The following FANCM variants were observed in gnomAD, a reference collection of about 807,000 sequenced individuals.
FANCM encodes the protein FA complementation group M.
FANCM carries 140 observed loss-of-function variants against 199.5 expected under a neutral mutation model. That is an observed-to-expected ratio of 0.70 (90% CI 0.61 to 0.81). The LOEUF (loss-of-function observed/expected upper bound fraction) is 0.81, where lower values mean the gene tolerates loss of function less well. FANCM is among the 30% of genes least tolerant of loss of function. The pLI is 0.00. For missense variants in FANCM, 2,410 were observed against 2,421.4 expected, an observed-to-expected ratio of 1.00 and a Z score of 0.10; for synonymous variants, 840 against 836.8, an observed-to-expected ratio of 1.00 and a Z score of -0.07.
At chr14:45,174,694 G>A (rs994900569) in intron 13 of FANCM, among the ~76,000 whole-genome samples, 1 of 151,986 alleles carries the variant, frequency 6.6e-6, no homozygotes, top group Non-Finnish European at 1.5e-5. Flanking sequence ...AATGTATATG[G>A]TTTTTATTAA....
chr14:45,193,769 T>C (rs1889905848), intron 20 of FANCM, among the ~76,000 whole-genome samples: 1 of 152,144 alleles, frequency 6.6e-6, no homozygotes, highest in Non-Finnish European at 1.5e-5. Flanking sequence ...TTTGTTTTTT[T>C]TTTTAACATT....
chr14:45,136,809 C>T (rs372373350), intron 1 of FANCM, among the ~76,000 whole-genome samples: 2 of 152,196 alleles, frequency 1.3e-5, no homozygotes, highest in South Asian at 2.1e-4. Flanking sequence ...AAAGATTTCT[C>T]AGTTGAAGAA....
rs997465669 is a variant in FANCM, at chr14:45,140,795, C to G, written c.759+86C>G. ...GTGAGTCATACCTGTAATCCTAGTG[C>G]TTTGGGAGGTGGAGATGGGAGGATC... On this transcript the variant is annotated intron_variant, in intron 3 of 22. Coordinates refer to ENST00000267430, the MANE Select transcript of FANCM (RefSeq NM_020937.4). 3 of 861,434 alleles carry G rather than the reference C, an allele frequency of 3.5e-6. No homozygotes were observed. The African/African-American group carries it at 5.0e-5, about 14-fold the overall frequency. 53.4% of individuals were successfully genotyped at this position (861,434 alleles called of 1,614,324 possible).
chr14:45,198,566 T>TCGCCG, intron 21 of FANCM, 78 bp from the exon 22 acceptor site: 3 of 920,758 alleles, frequency 3.3e-6, no homozygotes, highest in South Asian at 2.2e-5. Flanking sequence ...CTTGGGATTT[T>TCGCCG]AATAAAATAA....
At chr14:45,191,893 T>C (rs1889789877) in intron 20 of FANCM, among the ~76,000 whole-genome samples, 1 of 152,192 alleles carries the variant, frequency 6.6e-6, no homozygotes, top group Non-Finnish European at 1.5e-5. Flanking sequence ...AAATATAACT[T>C]CTTTATGCAG....
In FANCM at chr14:45,137,226, C is replaced by T. The variant is rs2139107219; in HGVS notation, c.666C>T (p.Asn222=). The change falls in exon 2 of 23, where the codon AAC becomes AAT. Residue 222 remains asparagine (N), a synonymous_variant. Coordinates refer to ENST00000267430, the MANE Select transcript of FANCM (RefSeq NM_020937.4). ...VIDEAHKALG[N]YAYCQVVREL... is the part of the protein sequence containing the mutation. ...ATGAAGCTCATAAAGCTCTCGGAAA[C>T]TATGCTTATTGCCAGGTAATAATTT... 6.2e-7 allele frequency: 1 copy of T among 1,612,510 alleles called. No homozygotes were observed. Among genetic ancestry groups the T allele is most frequent in the Non-Finnish European group, 8.5e-7 (1 of 1,179,842 alleles).
Position 45,196,411 on chromosome 14 carries a change from C to T in FANCM, c.5580C>T (p.Arg1860=). 1 of 1,614,036 alleles carries T rather than the reference C, an allele frequency of 6.2e-7. No individual in the cohort carries two copies. Among genetic ancestry groups the T allele is most frequent in the Non-Finnish European group, 8.5e-7 (1 of 1,180,014 alleles). Residue 1860 remains arginine (R), a synonymous_variant, in exon 21 of 23, where the codon CGC becomes CGT. Transcript: ENST00000267430. ...GCTGTGATTACATCGTGAGTAATCGCATGGTGGTGGAAAGGAGGTCTCAAT... is the reference window on the plus strand; with the variant it reads ...GCTGTGATTACATCGTGAGTAATCGTATGGTGGTGGAAAGGAGGTCTCAAT... The part of the protein sequence containing the change: ...LNGCDYIVSN[R]MVVERRSQSE...
intron 10 of FANCM, 55 bp downstream of exon 10, chr14:45,164,620 C>G: frequency 2.3e-6 from 3 of 1,320,046 alleles, no homozygotes; most frequent in Non-Finnish European, 3.2e-6. Context: ...AAATACAGCC[C>G]AAAGGTGAAT....
chr14:45,182,608 G>A (rs976581772), intron 16 of FANCM, among the ~76,000 whole-genome samples: 4 of 152,134 alleles, frequency 2.6e-5, no homozygotes, highest in Admixed American at 2.6e-4. Flanking sequence ...TAGATGGACA[G>A]GTCTTAAGGT....
chr14:45,186,360 CAG>C (rs1180980947), intron 18 of FANCM, among the ~76,000 whole-genome samples: 2 of 152,288 alleles, frequency 1.3e-5, no homozygotes, highest in African/African-American at 4.8e-5. Flanking sequence ...TTTCAGAAAA[CAG>C]TGTGTTCATC....
Position 45,177,077 on chromosome 14 carries a change from A to G in FANCM, c.4222+101A>G, listed in dbSNP as rs1039430037. 3 of 709,288 alleles carry G rather than the reference A, an allele frequency of 4.2e-6. No individual in the cohort carries two copies. In the East Asian group the frequency reaches 8.2e-5, roughly 19 times the overall value. The allele number at this position is 709,288 out of a possible 1,614,324, so 43.9% of individuals were successfully genotyped here. A position where few individuals can be genotyped will look rare whatever the true frequency, so the allele number is the denominator to read the frequency against. ...AATGTAATTTTTTAGTACATGGTACAATATAAATATTGAATTAGATAATTG... is the reference window on the plus strand; with the variant it reads ...AATGTAATTTTTTAGTACATGGTACGATATAAATATTGAATTAGATAATTG... On this transcript the variant is annotated intron_variant, in intron 14 of 22. Transcript: ENST00000267430.
intron 12 of FANCM, among the ~76,000 whole-genome samples, chr14:45,171,743 T>A (rs928960384): frequency 6.6e-6 from 1 of 151,586 alleles, no homozygotes; most frequent in Non-Finnish European, 1.5e-5. Flanking sequence ...CACATTTTCT[T>A]TATCCACTCA....
chr14:45,191,131 A>T (rs866693965), intron 20 of FANCM, among the ~76,000 whole-genome samples: 1 of 152,070 alleles, frequency 6.6e-6, no homozygotes, highest in East Asian at 1.9e-4. Context: ...TTCATATATG[A>T]CGTGTCCTTA....
At chr14:45,184,660 CAA>C (rs776110476) in intron 17 of FANCM, among the ~76,000 whole-genome samples, 13 of 62,160 alleles carry the variant, frequency 2.1e-4, no homozygotes, top group Admixed American at 1.7e-4. Context: ...GACTCTGTCT[CAA>C]AAAAAAAAAA....
At chr14:45,180,923 G>A (rs1224855990) in intron 14 of FANCM, 3 of 167,990 alleles carry the variant, frequency 1.8e-5, no homozygotes, top group Non-Finnish European at 3.8e-5. Context: ...ACAACATTTT[G>A]TATTGAATTG....
intron 11 of FANCM, among the ~76,000 whole-genome samples, chr14:45,168,790 A>G (rs1285301018): frequency 1.4e-5 from 2 of 147,998 alleles, no homozygotes; most frequent in African/African-American, 4.9e-5. Context: ...TATTTTATAT[A>G]TATTAAAATA....
rs771567101 is a variant in FANCM at position 45,167,110 on chromosome 14, A to C, written c.1949A>C (p.Glu650Ala). 4 of 1,613,960 alleles carry C rather than the reference A, an allele frequency of 2.5e-6. No individual in the cohort carries two copies. The South Asian group carries it at 4.4e-5, about 18-fold the overall frequency. Reference protein sequence around the residue: ...MFITHGVYEPEKPSRNLQRKS... With the variant: ...MFITHGVYEPAKPSRNLQRKS... Reference sequence around the variant, plus strand: ...ATCACACATGGTGTCTATGAACCAGAGAAGCCTTCTCGGAACTTGCAGCGA... The same window carrying C: ...ATCACACATGGTGTCTATGAACCAGCGAAGCCTTCTCGGAACTTGCAGCGA... Residue 650 changes from glutamate to alanine, a missense_variant, in exon 11 of 23, where the codon GAG becomes GCG. By Grantham distance (107) the Glu-to-Ala change is moderately radical. Coordinates refer to ENST00000267430, the MANE Select transcript of FANCM (RefSeq NM_020937.4).
At chr14:45,184,222 CATT>C (rs1381767249) in intron 17 of FANCM, among the ~76,000 whole-genome samples, 1 of 152,014 alleles carries the variant, frequency 6.6e-6, no homozygotes, top group Non-Finnish European at 1.5e-5. Context: ...CTTTTATGAT[CATT>C]ATATTGTTTT....
chr14:45,146,367 G>C (rs1172983883), intron 3 of FANCM, among the ~76,000 whole-genome samples: 2 of 151,750 alleles, frequency 1.3e-5, no homozygotes, highest in Non-Finnish European at 2.9e-5. Context: ...CTTTTTTTGT[G>C]TAGATAGTTG....
Sources: gnomAD v4.1 joint callset for allele counts (sites outside exome capture counted in the v4.1 genomes callset) on GRCh38, gnomAD v4.1.1 for gene constraint, MANE v1.5 for transcripts, NCBI Gene and HGNC (gene_info 2026-07-23, HGNC 2026-07-21) for gene names.